The following PTPRD variants were observed in gnomAD, a reference collection of about 807,000 sequenced individuals.
The protein encoded by PTPRD is protein tyrosine phosphatase receptor type D.
PTPRD carries 34 observed loss-of-function variants against 214.5 expected under a neutral mutation model. That is an observed-to-expected ratio of 0.16 (90% confidence interval 0.12 to 0.21). PTPRD has a LOEUF of 0.21. PTPRD is among the 10% of genes least tolerant of loss of function. The pLI is 1.00. For missense variants in PTPRD, 2,545 were observed against 2,398.7 expected (o/e 1.06, Z -1.27); for synonymous variants, 1,128 against 845.7 (o/e 1.33, Z -5.79).
At position 9,668,034 on chromosome 9, in the gene PTPRD, C is replaced by T. The variant is rs550142542; in HGVS notation, c.-287+66499G>A. ...ACAGATTATCATCCATTTTCAAATT[C>T]AAAATCAGAGCTAAAATCATAGATT... On this transcript the variant is annotated intron_variant, in intron 7 of 45. Transcript: ENST00000381196. 2.3e-3 allele frequency among the ~76,000 whole-genome samples: 348 copies of T among 152,156 alleles called. 2 individuals carry two copies. Among genetic ancestry groups the T allele is most frequent in the Non-Finnish European group, 3.8e-3 (261 of 67,996 alleles).
At chr9:9,917,464 A>C (rs950935158) in intron 5 of PTPRD, among the ~76,000 whole-genome samples, 20 of 150,122 alleles carry the variant, frequency 1.3e-4, no homozygotes, top group Non-Finnish European at 7.4e-5. Flanking sequence ...AAAAAAAAAA[A>C]AAAAAAAATC....
At chr9:8,998,469 C>T (rs552964728) in intron 11 of PTPRD, among the ~76,000 whole-genome samples, 3 of 152,040 alleles carry the variant, frequency 2.0e-5, no homozygotes, top group South Asian at 4.2e-4. Flanking sequence ...TATTTTAAGC[C>T]CATTGTTGAG....
intron 12 of PTPRD, among the ~76,000 whole-genome samples, chr9:8,689,168 C>T (rs1251011615): frequency 6.6e-6 from 1 of 152,106 alleles, no homozygotes; most frequent in Non-Finnish European, 1.5e-5. Context: ...TGTTAAAATA[C>T]AGCAATATGA....
Position 8,436,573 on chromosome 9 carries a change from A to G in PTPRD, c.4086+19T>C. 6.4e-7 allele frequency: 1 copy of G among 1,570,428 alleles called. No homozygotes were observed. ...AGTAACTCTTGAAATTACTGTAAAG[A>G]ATAAACACAGTGAATTACCTCATAT... On this transcript the variant is annotated intron_variant, in intron 35 of 45. Transcript: ENST00000381196.
At chr9:8,613,346 C>T (rs1245846893) in intron 14 of PTPRD, among the ~76,000 whole-genome samples, 2 of 152,154 alleles carry the variant, frequency 1.3e-5, no homozygotes, top group South Asian at 2.1e-4. Context: ...CTATCCCTGA[C>T]ATTAATGCTA....
At chr9:9,451,822 G>C (rs1302817208) in intron 8 of PTPRD, among the ~76,000 whole-genome samples, 1 of 151,278 alleles carries the variant, frequency 6.6e-6, no homozygotes, top group East Asian at 1.9e-4. Flanking sequence ...TAGAAGAATG[G>C]GTTGAATTTG....
chr9:9,573,293 C>G (rs2087135343), intron 8 of PTPRD, among the ~76,000 whole-genome samples: 1 of 151,260 alleles, frequency 6.6e-6, no homozygotes, highest in South Asian at 2.1e-4. Flanking sequence ...TTTCTATATT[C>G]TAGAAGCAAA....
intron 2 of PTPRD, among the ~76,000 whole-genome samples, chr9:10,569,009 T>G (rs2066569000): frequency 6.6e-6 from 1 of 151,972 alleles, no homozygotes; most frequent in Non-Finnish European, 1.5e-5. Context: ...GAGAAAATTT[T>G]TACAACCTAC....
chr9:9,353,815 A>C (rs567352233), intron 9 of PTPRD, among the ~76,000 whole-genome samples: 1 of 152,058 alleles, frequency 6.6e-6, no homozygotes, highest in African/African-American at 2.4e-5. Flanking sequence ...TTATTAGTTC[A>C]GAATTTCAAA....
At chr9:10,135,485 G>A (rs993855387) in intron 3 of PTPRD, among the ~76,000 whole-genome samples, 7 of 152,018 alleles carry the variant, frequency 4.6e-5, no homozygotes, top group African/African-American at 1.7e-4. Context: ...AAAAAGAAGT[G>A]TCAGATCACT....
chr9:9,952,324 G>C (rs1270704235), intron 4 of PTPRD, among the ~76,000 whole-genome samples: 1 of 152,148 alleles, frequency 6.6e-6, no homozygotes, highest in African/African-American at 2.4e-5. Flanking sequence ...TAAACAGAAG[G>C]TGTATATAAA....
At chr9:8,757,542 G>A (rs138134317) in intron 11 of PTPRD, among the ~76,000 whole-genome samples, 147 of 151,012 alleles carry the variant, frequency 9.7e-4, no homozygotes, top group African/African-American at 2.9e-3. Flanking sequence ...AGTATCCCAG[G>A]GAACAATAAA....
chr9:8,352,281 G>T (rs771700498), intron 39 of PTPRD, among the ~76,000 whole-genome samples: 12 of 152,148 alleles, frequency 7.9e-5, no homozygotes, highest in Admixed American at 7.9e-4. Flanking sequence ...TTTACAGATG[G>T]ATAGAACAGG....
At chr9:10,553,571 AAC>A (rs34527788) in intron 2 of PTPRD, among the ~76,000 whole-genome samples, 57,956 of 151,884 alleles carry the variant, frequency 0.38, 12,460 homozygotes, top group Non-Finnish European at 0.5. Flanking sequence ...TTCTTTTTAT[AAC>A]ACAAAATCAT....
At chr9:9,444,410 T>C (rs1013993172) in intron 8 of PTPRD, among the ~76,000 whole-genome samples, 2 of 152,210 alleles carry the variant, frequency 1.3e-5, no homozygotes, top group Admixed American at 6.5e-5. Flanking sequence ...TGTGATCCCA[T>C]CTTTAATTCT....
In PTPRD at chr9:8,497,227, T is replaced by G; in HGVS notation, c.2349+15A>C. 6.3e-7 allele frequency: 1 copy of G among 1,587,140 alleles called. No individual in the cohort carries two copies. The highest frequency in any genetic ancestry group is 8.6e-7 in the Non-Finnish European group (1 of 1,168,864). ...ATATAGTCTGCTTTTGACAAAACAG[T>G]CAAAAATTACTCACATGTTCAGTAG... On this transcript the variant is annotated intron_variant, in intron 26 of 45. Transcript: ENST00000381196.
intron 2 of PTPRD, among the ~76,000 whole-genome samples, chr9:10,476,227 A>G (rs1028485763): frequency 1.3e-5 from 2 of 152,188 alleles, no homozygotes; most frequent in African/African-American, 4.8e-5. Flanking sequence ...TTGTATATTT[A>G]GAAAACCCCA....
chr9:10,202,457 A>G (rs556308808), intron 3 of PTPRD, among the ~76,000 whole-genome samples: 11 of 149,806 alleles, frequency 7.3e-5, no homozygotes, highest in South Asian at 2.1e-4. Context: ...CAGGGCTGGC[A>G]TTAGAAAGGA....
intron 7 of PTPRD, among the ~76,000 whole-genome samples, chr9:9,655,300 T>C (rs910774280): frequency 1.3e-5 from 2 of 152,204 alleles, no homozygotes; most frequent in South Asian, 4.1e-4. Flanking sequence ...CTGGGTGCCA[T>C]GGCTCATGCC....
Sources: gnomAD v4.1 joint callset for allele counts (sites outside exome capture counted in the v4.1 genomes callset) on GRCh38, gnomAD v4.1.1 for gene constraint, MANE v1.5 for transcripts, NCBI Gene and HGNC (gene_info 2026-07-23, HGNC 2026-07-21) for gene names.